The following NEGR1 variants were observed in gnomAD, a reference collection of about 807,000 sequenced individuals.
NEGR1 encodes the protein IgLON family member 4.
A neutral mutation model predicts 40.9 loss-of-function variants in NEGR1; 10 were observed. The ratio of observed to expected loss-of-function variants is 0.24; its 90% CI spans 0.15 to 0.42. The LOEUF is 0.42. Among genes scored for constraint, NEGR1 ranks in the 10% least tolerant of loss-of-function variants. NEGR1 has a pLI of 1.00. For synonymous variants in NEGR1, 185 were observed against 166.8 expected (o/e 1.11, Z -0.84); for missense variants, 352 against 438.9 (o/e 0.80, Z 1.77).
chr1:72,002,777 A>G (rs915327732), intron 1 of NEGR1, among the ~76,000 whole-genome samples: 2 of 152,194 alleles, frequency 1.3e-5, no homozygotes, highest in Non-Finnish European at 2.9e-5. Flanking sequence ...AATGCAATTC[A>G]TTAATTATTC....
intron 4 of NEGR1, among the ~76,000 whole-genome samples, chr1:71,659,410 T>C (rs1023982780): frequency 2.6e-5 from 4 of 152,040 alleles, no homozygotes; most frequent in African/African-American, 7.2e-5. Flanking sequence ...ATACTGGACA[T>C]AGGGGTGGGC....
At chr1:71,834,100 C>A (rs1473126273) in intron 2 of NEGR1, among the ~76,000 whole-genome samples, 2 of 152,092 alleles carry the variant, frequency 1.3e-5, no homozygotes, top group African/African-American at 4.8e-5. Flanking sequence ...ACCAAATAAA[C>A]TGCATTGTAT....
intron 1 of NEGR1, among the ~76,000 whole-genome samples, chr1:72,053,586 C>T (rs886294077): frequency 1.3e-5 from 2 of 150,836 alleles, no homozygotes; most frequent in Admixed American, 6.6e-5. Flanking sequence ...TCACTTGATC[C>T]ATTCTTTAAA....
chr1:71,877,639 A>G (rs1660469661), intron 2 of NEGR1, among the ~76,000 whole-genome samples: 1 of 152,198 alleles, frequency 6.6e-6, no homozygotes, highest in Non-Finnish European at 1.5e-5. Context: ...TAACGTATGA[A>G]TTTTTGGGGG....
intron 4 of NEGR1, among the ~76,000 whole-genome samples, chr1:71,621,948 T>C (rs1481964856): frequency 6.6e-6 from 1 of 151,874 alleles, no homozygotes; most frequent in African/African-American, 2.4e-5. Flanking sequence ...TGAATAAAAG[T>C]GCAGTAAGAA....
chr1:72,193,516 A>C (rs1652895573), intron 1 of NEGR1, among the ~76,000 whole-genome samples: 1 of 151,768 alleles, frequency 6.6e-6, no homozygotes, highest in Middle Eastern at 3.2e-3. Flanking sequence ...CCTGATATCA[A>C]CACCATCACT....
chr1:71,821,957 A>C (rs945311121), intron 2 of NEGR1, among the ~76,000 whole-genome samples: 5 of 152,026 alleles, frequency 3.3e-5, no homozygotes, highest in African/African-American at 1.2e-4. Context: ...ACCAGGTCAC[A>C]TAGGAGGTCA....
At chr1:71,868,481 T>TAG (rs1557682695) in intron 2 of NEGR1, among the ~76,000 whole-genome samples, 63 of 142,418 alleles carry the variant, frequency 4.4e-4, no homozygotes, top group African/African-American at 1.7e-3. Context: ...AATACATACA[T>TAG]ACATACATAC....
At chr1:71,706,843 C>T (rs946414750) in intron 3 of NEGR1, among the ~76,000 whole-genome samples, 8 of 151,932 alleles carry the variant, frequency 5.3e-5, no homozygotes, top group African/African-American at 9.7e-5. Flanking sequence ...TAACCAGCAA[C>T]GATACCCAGG....
intron 6 of NEGR1, among the ~76,000 whole-genome samples, chr1:71,433,981 G>A (rs1646487732): frequency 6.6e-6 from 1 of 152,168 alleles, no homozygotes; most frequent in Non-Finnish European, 1.5e-5. Context: ...TCAGTAATAA[G>A]CTAATAAGTT....
intron 1 of NEGR1, among the ~76,000 whole-genome samples, chr1:71,942,481 ATATTTTTTTTTTTTTTTTTTT>A (rs1281549879): frequency 0.015 from 253 of 16,896 alleles, 4 homozygotes; most frequent in African/African-American, 0.054. Flanking sequence ...ATATATATAT[ATATTTTTTTTTTTTTTTTTTT>A]TTTTTTTTTT....
chr1:72,241,601 G>C (rs781474189), intron 1 of NEGR1, among the ~76,000 whole-genome samples: 11 of 151,666 alleles, frequency 7.3e-5, no homozygotes, highest in Non-Finnish European at 1.6e-4. Context: ...GCTAGAGTCT[G>C]CCTAGGTGTT....
chr1:71,979,118 A>G (rs1244690659), intron 1 of NEGR1, among the ~76,000 whole-genome samples: 1 of 152,194 alleles, frequency 6.6e-6, no homozygotes, highest in East Asian at 1.9e-4. Context: ...TAGAAAACAA[A>G]TACTGCATGT....
chr1:72,004,606 C>G (rs1646589686), intron 1 of NEGR1, among the ~76,000 whole-genome samples: 1 of 152,074 alleles, frequency 6.6e-6, no homozygotes, highest in African/African-American at 2.4e-5. Context: ...CTTTTAACAG[C>G]AAAGTCTACA....
At chr1:71,645,673 A>G (rs1651505552) in intron 4 of NEGR1, among the ~76,000 whole-genome samples, 1 of 151,864 alleles carries the variant, frequency 6.6e-6, no homozygotes, top group Non-Finnish European at 1.5e-5. Context: ...TTTGGAGGAA[A>G]TGACTAAGTC....
intron 1 of NEGR1, among the ~76,000 whole-genome samples, chr1:72,176,650 G>A (rs1381710523): frequency 6.6e-6 from 1 of 151,814 alleles, no homozygotes; most frequent in Non-Finnish European, 1.5e-5. Flanking sequence ...AAACAGCCTG[G>A]AATTGTATGA....
chr1:71,750,957 T>G (rs1294581886), intron 3 of NEGR1, among the ~76,000 whole-genome samples: 2 of 152,186 alleles, frequency 1.3e-5, no homozygotes, highest in Non-Finnish European at 2.9e-5. Context: ...AGTTTATGAC[T>G]AGATTTACAG....
chr1:71,473,741 T>C (rs1363288130), intron 6 of NEGR1, among the ~76,000 whole-genome samples: 1 of 152,068 alleles, frequency 6.6e-6, no homozygotes, highest in African/African-American at 2.4e-5. Flanking sequence ...TGGGGAGCAG[T>C]GGGTGGTAGT....
chr1:72,217,513 G>A (rs1289892625), intron 1 of NEGR1, among the ~76,000 whole-genome samples: 1 of 151,552 alleles, frequency 6.6e-6, no homozygotes, highest in African/African-American at 2.4e-5. Flanking sequence ...TTAATACTTG[G>A]TAGCAATGGG....
Sources: gnomAD v4.1 joint callset for allele counts (sites outside exome capture counted in the v4.1 genomes callset) on GRCh38, gnomAD v4.1.1 for gene constraint, MANE v1.5 for transcripts, NCBI Gene and HGNC (gene_info 2026-07-23, HGNC 2026-07-21) for gene names.